The following GLB1 variants were observed in gnomAD, a reference collection of about 807,000 sequenced individuals.
The protein encoded by GLB1 is beta-galactosidase.
Under a neutral mutation model 74.0 loss-of-function variants are expected in GLB1, and 56 were observed. That is an observed-to-expected ratio of 0.76 (90% CI 0.61 to 0.94). The LOEUF is 0.94. GLB1 is among the 40% of genes least tolerant of loss of function. The probability of loss-of-function intolerance (pLI) is 0.00; values close to 1 mark genes in which losing one functional copy is unlikely to be tolerated. For synonymous variants in GLB1, 323 were observed against 323.6 expected (o/e 1.00, Z 0.02); for missense variants, 787 against 845.5 (o/e 0.93, Z 0.86).
At chr3:33,061,297 C>T (rs1401070125) in intron 5 of GLB1, among the ~76,000 whole-genome samples, 1 of 152,070 alleles carries the variant, frequency 6.6e-6, no homozygotes, top group Non-Finnish European at 1.5e-5. Flanking sequence ...GCCTGTAATC[C>T]CAGCTATTTG....
At chr3:32,982,898 G>T in the GLB1 span, among the ~76,000 whole-genome samples, 1 of 152,208 alleles carries the variant, frequency 6.6e-6, no homozygotes, top group African/African-American at 2.4e-5. Context: ...GTCAGCATTT[G>T]TTTCCTTTCA....
At chr3:33,057,881 G>C (rs1699282425) in intron 6 of GLB1, among the ~76,000 whole-genome samples, 1 of 152,216 alleles carries the variant, frequency 6.6e-6, no homozygotes, top group Non-Finnish European at 1.5e-5. Flanking sequence ...CACCAGTGCT[G>C]AAAATGCAGC....
At chr3:32,984,453 T>C in the GLB1 span, among the ~76,000 whole-genome samples, 1 of 152,228 alleles carries the variant, frequency 6.6e-6, no homozygotes, top group South Asian at 2.1e-4. Flanking sequence ...ACAGAGTTTT[T>C]AGTTTCATAC....
intron 10 of GLB1, among the ~76,000 whole-genome samples, chr3:33,044,175 T>C (rs554294668): frequency 1.3e-5 from 2 of 152,310 alleles, no homozygotes; most frequent in African/African-American, 4.8e-5. Flanking sequence ...TATTGGTGTA[T>C]GTCAGGCTCT....
At chr3:33,082,896 A>G (rs9830701) in intron 1 of GLB1, among the ~76,000 whole-genome samples, 3,398 of 152,304 alleles carry the variant, frequency 0.022, 107 homozygotes, top group African/African-American at 0.074. Context: ...GAAAAGCCAC[A>G]GAGAGGGGAT....
At position 33,056,792 on chromosome 3, in the gene GLB1, C is replaced by T. The variant is rs75673496; in HGVS notation, c.733+1297G>A. On this transcript the variant is annotated intron_variant, in intron 6 of 15. Transcript: ENST00000307363. ...CTTTATCCCTAAATACATCAGTGTTCATTCTCTCAGAACAAAGGCATTCTT... is the reference window on the plus strand; with the variant it reads ...CTTTATCCCTAAATACATCAGTGTTTATTCTCTCAGAACAAAGGCATTCTT... 4.7e-3 allele frequency among the ~76,000 whole-genome samples: 708 copies of T among 152,256 alleles called. 1 individual carries two copies. Among genetic ancestry groups the T allele is most frequent in the East Asian group, 0.016 (83 of 5,192 alleles).
At position 33,093,785 on chromosome 3, in the gene GLB1, G is replaced by T. The variant is rs1182211179; in HGVS notation, c.75+3226C>A. 6.2e-7 allele frequency: 1 copy of T among 1,613,260 alleles called. No homozygotes were observed. The highest frequency in any genetic ancestry group is 8.5e-7 in the Non-Finnish European group (1 of 1,179,686). ...CCAAGAGCTGGTAGGCCTGCTCCAT[G>T]CCGCTGAGGATGAAGAGGAAGAAGA... On this transcript the variant is annotated intron_variant, in intron 1 of 15. Transcript: ENST00000307363. The surrounding 1 kb of genome is among the most constrained non-coding windows in gnomAD (Gnocchi z 6.0).
chr3:32,965,798 C>A, the GLB1 span, among the ~76,000 whole-genome samples: 1 of 152,200 alleles, frequency 6.6e-6, no homozygotes, highest in Non-Finnish European at 1.5e-5. Context: ...AGCTTAAGGA[C>A]TTGGTGCCCT....
downstream of GLB1, among the ~76,000 whole-genome samples, chr3:32,992,732 G>A (rs1278442411): frequency 6.6e-6 from 1 of 152,222 alleles, no homozygotes; most frequent in African/African-American, 2.4e-5. Flanking sequence ...AAGCTGGTGG[G>A]AGGCCTGCTC....
At chr3:33,048,150 G>C (rs1402865755) in intron 9 of GLB1, among the ~76,000 whole-genome samples, 1 of 152,188 alleles carries the variant, frequency 6.6e-6, no homozygotes, top group Non-Finnish European at 1.5e-5. Context: ...GCCCAGCATG[G>C]AGGGGGTTGC....
At chr3:32,969,637 G>C in the GLB1 span, among the ~76,000 whole-genome samples, 658 of 152,242 alleles carry the variant, frequency 4.3e-3, 2 homozygotes, top group African/African-American at 0.014. Flanking sequence ...GAAAAGGCTT[G>C]GTTTTCCCAG....
At chr3:33,090,926 TA>T (rs140320259) in intron 1 of GLB1, 148 of 911,894 alleles carry the variant, frequency 1.6e-4, no homozygotes, top group Middle Eastern at 5.7e-4. Flanking sequence ...GATGCAAAAT[TA>T]AAAAAAAAAT....
In GLB1 at chr3:32,996,700, T is replaced by C. The variant is rs886446120; in HGVS notation, c.*345A>G. 2.9e-6 allele frequency: 1 copy of C among 349,380 alleles called. No homozygotes were observed. The highest frequency in any genetic ancestry group is 5.5e-6 in the Non-Finnish European group (1 of 181,130). 21.6% of individuals were successfully genotyped at this position (349,380 alleles called of 1,614,324 possible). ...ATTTAAGTCAGACCATATAATTCAA[T>C]ACCTGCACATTAAAAACAGTGACAT... On this transcript the variant is annotated 3_prime_UTR_variant, in exon 16 of 16. Coordinates refer to ENST00000307363, the MANE Select transcript of GLB1 (RefSeq NM_000404.4).
At chr3:32,969,028 C>T in the GLB1 span, among the ~76,000 whole-genome samples, 1 of 152,230 alleles carries the variant, frequency 6.6e-6, no homozygotes, top group African/African-American at 2.4e-5. Flanking sequence ...AGGAGGCCCC[C>T]TTCATTGCTG....
chr3:32,962,988 C>T, the GLB1 span, among the ~76,000 whole-genome samples: 1 of 151,862 alleles, frequency 6.6e-6, no homozygotes, highest in Non-Finnish European at 1.5e-5. Flanking sequence ...ATAGCCAGGA[C>T]CACTCTGAAA....
At chr3:32,972,584 C>T in the GLB1 span, among the ~76,000 whole-genome samples, 1 of 152,098 alleles carries the variant, frequency 6.6e-6, no homozygotes, top group African/African-American at 2.4e-5. Flanking sequence ...AGTATTCAGT[C>T]AACTATGGAG....
chr3:33,034,811 C>G, intron 10 of GLB1: 2 of 606,176 alleles, frequency 3.3e-6, no homozygotes, highest in East Asian at 4.2e-5. Flanking sequence ...CAAGCAGTGA[C>G]AAGACAGGCA....
downstream of GLB1, among the ~76,000 whole-genome samples, chr3:32,993,672 T>C (rs183388093): frequency 1.8e-4 from 28 of 151,930 alleles, no homozygotes; most frequent in East Asian, 5.4e-3. Context: ...GTAGCTGGGA[T>C]TACAGGTGCC....
the GLB1 span, among the ~76,000 whole-genome samples, chr3:32,972,966 A>G: frequency 6.6e-6 from 1 of 152,210 alleles, no homozygotes; most frequent in Non-Finnish European, 1.5e-5. Flanking sequence ...AGATAAACTC[A>G]AGTCACAAAA....
Sources: allele counts gnomAD v4.1 joint callset (sites outside exome capture counted in the v4.1 genomes callset), GRCh38; gene constraint gnomAD v4.1.1; non-coding constraint Gnocchi (gnomAD v3.1); transcripts MANE v1.5; gene names NCBI Gene and HGNC (gene_info 2026-07-23, HGNC 2026-07-21).